The following NTM variants were observed in gnomAD, a reference collection of about 807,000 sequenced individuals.
NTM encodes neurotrimin, also known as IgLON family member 2.
Under a neutral mutation model 42.1 loss-of-function variants are expected in NTM, and 13 were observed. That is an observed-to-expected ratio of 0.31 (90% CI 0.20 to 0.49). The LOEUF (loss-of-function observed/expected upper bound fraction) is 0.49, where lower values mean the gene tolerates loss of function less well. Among genes scored for constraint, NTM ranks in the 20% least tolerant of loss-of-function variants. NTM has a pLI of 0.99. For missense variants in NTM, 373 were observed against 452.8 expected (o/e 0.82, Z 1.60); for synonymous variants, 187 against 179.2 (o/e 1.04, Z -0.35).
chr11:131,453,953 C>A (rs937560999), intron 1 of NTM, among the ~76,000 whole-genome samples: 31 of 152,334 alleles, frequency 2.0e-4, no homozygotes, highest in Middle Eastern at 6.8e-3. Context: ...GTCTCCCGTG[C>A]AACCTTCCAG....
chr11:131,516,382 T>G (rs1217967999), intron 1 of NTM, among the ~76,000 whole-genome samples: 2 of 152,082 alleles, frequency 1.3e-5, no homozygotes, highest in Admixed American at 6.5e-5. Context: ...ACCCTTTTCT[T>G]TTTATTTTTT....
At chr11:131,858,042 C>T (rs1028628759) in intron 1 of NTM, among the ~76,000 whole-genome samples, 9 of 151,966 alleles carry the variant, frequency 5.9e-5, no homozygotes, top group African/African-American at 1.9e-4. Flanking sequence ...CTCCGCCCCG[C>T]CCATGCCTCA....
chr11:132,134,727 A>ATC (rs1566259560), intron 2 of NTM, among the ~76,000 whole-genome samples: 1 of 69,120 alleles, frequency 1.4e-5, no homozygotes, highest in Non-Finnish European at 2.7e-5. Context: ...ATATATATAT[A>ATC]TATATATATA....
intron 7 of NTM, among the ~76,000 whole-genome samples, chr11:132,320,187 T>G (rs924435016): frequency 1.3e-5 from 2 of 152,184 alleles, no homozygotes; most frequent in Non-Finnish European, 2.9e-5. Context: ...GATGGCTGAA[T>G]AGGAACAGCT....
At chr11:131,608,913 C>T (rs542836721) in intron 1 of NTM, among the ~76,000 whole-genome samples, 3 of 152,278 alleles carry the variant, frequency 2.0e-5, no homozygotes, top group East Asian at 3.9e-4. Flanking sequence ...CTTGGAAGCT[C>T]GACCCTATAG....
intron 1 of NTM, among the ~76,000 whole-genome samples, chr11:131,764,740 A>G (rs1386549798): frequency 1.3e-5 from 2 of 152,194 alleles, no homozygotes; most frequent in Non-Finnish European, 2.9e-5. Flanking sequence ...TGGAGCTACC[A>G]GTTGATGAGA....
intron 3 of NTM, among the ~76,000 whole-genome samples, chr11:132,150,154 C>A (rs1242322726): frequency 6.6e-6 from 1 of 152,142 alleles, no homozygotes; most frequent in Non-Finnish European, 1.5e-5. Context: ...TGCAGAATTG[C>A]ATGGTGAGAG....
chr11:132,003,818 A>G lies in NTM; in HGVS notation c.167+92170A>G, dbSNP rs540230415. On this transcript the variant is annotated intron_variant, in intron 2 of 8. Transcript: ENST00000683400. The surrounding 1 kb of genome is among the most constrained non-coding windows in gnomAD (Gnocchi z 6.0). ...ACCTGCCACTTACAGAACCAGCTTC[A>G]TTGAGATGTTGTTTAAAATTGATTT... Among the ~76,000 whole-genome samples the G allele has an allele frequency of 1.5e-4, 23 of 152,280 alleles. No homozygotes were observed. Among genetic ancestry groups the G allele is most frequent in the African/African-American group, 5.1e-4 (21 of 41,558 alleles).
intron 1 of NTM, among the ~76,000 whole-genome samples, chr11:131,732,645 G>C (rs552159866): frequency 6.6e-6 from 1 of 152,160 alleles, no homozygotes; most frequent in African/African-American, 2.4e-5. Flanking sequence ...GTGTACTACT[G>C]TTGGATGCAT....
At chr11:131,937,678 T>C (rs151327226) in intron 2 of NTM, among the ~76,000 whole-genome samples, 1 of 152,368 alleles carries the variant, frequency 6.6e-6, no homozygotes, top group East Asian at 1.9e-4. Context: ...ATTCTACACT[T>C]AATGCCTCGG....
chr11:131,757,471 GCA>G, intron 1 of NTM, among the ~76,000 whole-genome samples: 1 of 152,340 alleles, frequency 6.6e-6, no homozygotes, highest in Middle Eastern at 3.4e-3. Context: ...ATATGTAGCT[GCA>G]CAGTCTAGGC....
intron 2 of NTM, among the ~76,000 whole-genome samples, chr11:132,030,471 A>G (rs1426410580): frequency 2.0e-5 from 3 of 152,224 alleles, no homozygotes; most frequent in Non-Finnish European, 4.4e-5. Context: ...GCTAAAAAGT[A>G]AATACATGCA....
chr11:131,978,992 T>C (rs2064835408), intron 2 of NTM, among the ~76,000 whole-genome samples: 1 of 152,158 alleles, frequency 6.6e-6, no homozygotes, highest in African/African-American at 2.4e-5. Context: ...CCCTTGTTTT[T>C]TAAGTGAGGG....
intron 1 of NTM, among the ~76,000 whole-genome samples, chr11:131,656,714 G>A (rs539692240): frequency 5.9e-5 from 9 of 152,258 alleles, no homozygotes; most frequent in African/African-American, 1.7e-4. Flanking sequence ...CTGCCCCTGC[G>A]CGCTGAGCTC....
At chr11:131,661,312 T>C in intron 1 of NTM, 1 of 238,062 alleles carries the variant, frequency 4.2e-6, no homozygotes, top group Non-Finnish European at 8.6e-6. Flanking sequence ...GCTACATTGC[T>C]GTGAGTAGGG....
chr11:131,760,560 A>G (rs1260532998), intron 1 of NTM, among the ~76,000 whole-genome samples: 2 of 152,190 alleles, frequency 1.3e-5, no homozygotes, highest in Non-Finnish European at 2.9e-5. Flanking sequence ...TCCCCCGCTC[A>G]GTACAAAGAC....
At chr11:132,297,247 A>G (rs888090366) in intron 4 of NTM, among the ~76,000 whole-genome samples, 1 of 152,312 alleles carries the variant, frequency 6.6e-6, no homozygotes, top group Non-Finnish European at 1.5e-5. Flanking sequence ...TTAACTATAG[A>G]TTTGACCCCA....
chr11:132,025,171 C>T (rs940027221), intron 2 of NTM, among the ~76,000 whole-genome samples: 2 of 152,124 alleles, frequency 1.3e-5, no homozygotes, highest in Non-Finnish European at 2.9e-5. Context: ...GTTTCATGTC[C>T]AGGCCTAGGA....
At chr11:132,173,634 C>A (rs570192649) in intron 3 of NTM, among the ~76,000 whole-genome samples, 3 of 152,290 alleles carry the variant, frequency 2.0e-5, no homozygotes, top group Admixed American at 6.5e-5. Flanking sequence ...CTTGATCAAG[C>A]AGTTTCCCTG....
Sources: allele counts gnomAD v4.1 joint callset (sites outside exome capture counted in the v4.1 genomes callset), GRCh38; gene constraint gnomAD v4.1.1; non-coding constraint Gnocchi (gnomAD v3.1); transcripts MANE v1.5; gene names NCBI Gene and HGNC (gene_info 2026-07-23, HGNC 2026-07-21).